The following ANKS1B variants were observed in gnomAD, a reference collection of about 807,000 sequenced individuals.
ANKS1B encodes ankyrin repeat and sterile alpha motif domain containing 1B, also known as ankyrin repeat and sterile alpha motif domain-containing protein 1B.
Under a neutral mutation model 148.3 loss-of-function variants are expected in ANKS1B, and 36 were observed. The observed-to-expected ratio is 0.24, with a 90% CI of 0.19 to 0.32. The LOEUF is 0.32. Among genes scored for constraint, ANKS1B ranks in the 10% least tolerant of loss-of-function variants. The pLI is 1.00. For synonymous variants in ANKS1B, 542 were observed against 560.8 expected (o/e 0.97, Z 0.47); for missense variants, 1,157 against 1,542.6 (o/e 0.75, Z 4.19).
intron 14 of ANKS1B, among the ~76,000 whole-genome samples, chr12:99,178,672 A>T (rs2078711984): frequency 6.6e-6 from 1 of 152,164 alleles, no homozygotes; most frequent in South Asian, 2.1e-4. Flanking sequence ...TGCTTTGTTC[A>T]TTATTTATTT....
At chr12:98,755,111 G>A (rs77566810) in intron 25 of ANKS1B, among the ~76,000 whole-genome samples, 1 of 151,996 alleles carries the variant, frequency 6.6e-6, no homozygotes, top group Non-Finnish European at 1.5e-5. Context: ...CGACACACCA[G>A]GGCCCTTTCG....
chr12:98,881,725 A>C (rs188100435), intron 17 of ANKS1B, among the ~76,000 whole-genome samples: 21 of 152,264 alleles, frequency 1.4e-4, no homozygotes, highest in Non-Finnish European at 1.5e-4. Context: ...CCATTCTACC[A>C]CAAAAATGCC....
intron 9 of ANKS1B, among the ~76,000 whole-genome samples, chr12:99,554,678 A>C (rs2097257946): frequency 6.6e-6 from 1 of 152,172 alleles, no homozygotes; most frequent in African/African-American, 2.4e-5. Context: ...CTTTGGTCCA[A>C]TATTGGAATT....
At chr12:99,690,538 A>G (rs1287487152) in intron 8 of ANKS1B, among the ~76,000 whole-genome samples, 1 of 152,202 alleles carries the variant, frequency 6.6e-6, no homozygotes, top group Non-Finnish European at 1.5e-5. Flanking sequence ...CAAATGGGAG[A>G]AAAAGGAGCT....
chr12:99,534,465 A>G (rs2097040791), intron 9 of ANKS1B, among the ~76,000 whole-genome samples: 1 of 152,232 alleles, frequency 6.6e-6, no homozygotes, highest in Non-Finnish European at 1.5e-5. Flanking sequence ...CTGAGAGAAA[A>G]GCATTGTGTT....
intron 17 of ANKS1B, among the ~76,000 whole-genome samples, chr12:98,877,827 A>G (rs1032184231): frequency 2.0e-5 from 3 of 152,206 alleles, no homozygotes; most frequent in African/African-American, 7.2e-5. Context: ...GGAAAAAATG[A>G]ATATGTAGCC....
rs1167021724 is a variant in ANKS1B at position 99,051,805 on chromosome 12, C to T, written c.2778+1352G>A. On this transcript the variant is annotated intron_variant, in intron 17 of 26. Transcript: ENST00000683438. ...TTTAGATTCAAGAACAATTTCTATA[C>T]GATGTTCTAGAAAAGACATTATTTT... 3.9e-5 allele frequency among the ~76,000 whole-genome samples: 6 copies of T among 152,104 alleles called. No homozygotes were observed. The East Asian group carries it at 7.7e-4, about 20-fold the overall frequency.
intron 12 of ANKS1B, among the ~76,000 whole-genome samples, chr12:99,256,465 G>A (rs749530022): frequency 1.3e-5 from 2 of 151,890 alleles, no homozygotes; most frequent in African/African-American, 2.4e-5. Context: ...TGGTTTACAT[G>A]TTTGCCATTT....
At chr12:99,459,974 T>A (rs540647037) in intron 10 of ANKS1B, among the ~76,000 whole-genome samples, 128 of 151,654 alleles carry the variant, frequency 8.4e-4, no homozygotes, top group African/African-American at 3.0e-3. Flanking sequence ...AAAGAACAAA[T>A]CCAGAGGCAT....
At chr12:99,045,039 T>C (rs1458427135) in intron 17 of ANKS1B, among the ~76,000 whole-genome samples, 1 of 152,164 alleles carries the variant, frequency 6.6e-6, no homozygotes, top group East Asian at 1.9e-4. Context: ...AAACAGTAAG[T>C]AAAATTTTCA....
chr12:99,975,549 TG>T (rs1393290101), intron 1 of ANKS1B, among the ~76,000 whole-genome samples: 1 of 152,236 alleles, frequency 6.6e-6, no homozygotes, highest in Admixed American at 6.5e-5. Flanking sequence ...ACTGTGGTTT[TG>T]ATTTGCATTT....
Position 99,555,964 on chromosome 12 carries a change from A to C in ANKS1B, c.1273-51323T>G, listed in dbSNP as rs1297757440. ...TGGACTCACAGAATGAGCTGGAGAG[A>C]AGTCTCTCCTCTTGAATTTTTTTGA... On this transcript the variant is annotated intron_variant, in intron 9 of 26. Coordinates refer to ENST00000683438, the MANE Select transcript of ANKS1B (RefSeq NM_001352186.2). Among the ~76,000 whole-genome samples, 2 of 152,006 alleles carry C rather than the reference A, an allele frequency of 1.3e-5. 1 individual carries two copies. Among genetic ancestry groups the C allele is most frequent in the African/African-American group, 4.8e-5 (2 of 41,394 alleles).
At chr12:99,194,136 T>G (rs1414397926) in intron 14 of ANKS1B, among the ~76,000 whole-genome samples, 1 of 152,098 alleles carries the variant, frequency 6.6e-6, no homozygotes, top group African/African-American at 2.4e-5. Flanking sequence ...ATATATATTT[T>G]TTAAAGGTAA....
chr12:99,179,678 G>A (rs1002302889), intron 14 of ANKS1B, among the ~76,000 whole-genome samples: 2 of 151,938 alleles, frequency 1.3e-5, no homozygotes, highest in Admixed American at 1.3e-4. Context: ...ATGTGACCAT[G>A]GGAAAAACTC....
chr12:99,007,674 GGGTAACTCTTTCACCTT>G (rs1281011687), intron 17 of ANKS1B, among the ~76,000 whole-genome samples: 1 of 152,090 alleles, frequency 6.6e-6, no homozygotes, highest in Non-Finnish European at 1.5e-5. Context: ...GTGTGCTTAG[GGGTAACTCTTTCACCTT>G]GGAGAGTGGT....
At chr12:99,428,667 C>T (rs921587626) in intron 11 of ANKS1B, among the ~76,000 whole-genome samples, 9 of 152,088 alleles carry the variant, frequency 5.9e-5, no homozygotes, top group African/African-American at 9.7e-5. Flanking sequence ...CGTATATGTA[C>T]GTACTATGCT....
At chr12:99,260,900 C>G (rs1200498774) in intron 12 of ANKS1B, among the ~76,000 whole-genome samples, 2 of 152,158 alleles carry the variant, frequency 1.3e-5, no homozygotes, top group Non-Finnish European at 2.9e-5. Context: ...GAAAGATCCA[C>G]TTTAGCTGAG....
chr12:99,332,436 T>C (rs138215535), intron 12 of ANKS1B, among the ~76,000 whole-genome samples: 164 of 152,168 alleles, frequency 1.1e-3, no homozygotes, highest in Non-Finnish European at 2.2e-3. Context: ...CTACCAGTTA[T>C]TGAACTCCCT....
intron 9 of ANKS1B, among the ~76,000 whole-genome samples, chr12:99,578,121 T>C (rs1451135708): frequency 6.6e-6 from 1 of 152,128 alleles, no homozygotes; most frequent in African/African-American, 2.4e-5. Context: ...TAAAACCATA[T>C]GATTTTGTCA....
Sources: allele counts gnomAD v4.1 joint callset (sites outside exome capture counted in the v4.1 genomes callset), GRCh38; gene constraint gnomAD v4.1.1; transcripts MANE v1.5; gene names NCBI Gene and HGNC (gene_info 2026-07-23, HGNC 2026-07-21).